Variants in CFAP61 observed in about 807,000 individuals in gnomAD.
CFAP61 encodes the protein cilia and flagella associated protein 61, also known as cilia- and flagella-associated protein 61.
A neutral mutation model predicts 135.6 loss-of-function variants in CFAP61; 107 were observed. That is an observed-to-expected ratio of 0.79 (90% CI 0.67 to 0.93). The LOEUF is 0.93. Ranked by LOEUF, CFAP61 falls within the 40% of genes least tolerant of loss-of-function variation. The probability of loss-of-function intolerance (pLI) is 0.00; values close to 1 mark genes in which losing one functional copy is unlikely to be tolerated. For missense variants in CFAP61, 1,507 were observed against 1,556.2 expected, an observed-to-expected ratio of 0.97 and a Z score of 0.53; for synonymous variants, 575 against 578.5, an observed-to-expected ratio of 0.99 and a Z score of 0.09.
intron 13 of CFAP61, among the ~76,000 whole-genome samples, chr20:20,173,399 G>A (rs1270312803): frequency 6.6e-6 from 1 of 152,208 alleles, no homozygotes; most frequent in Non-Finnish European, 1.5e-5. Context: ...CCCACCAGCA[G>A]TGAATGAGAG....
intron 11 of CFAP61, among the ~76,000 whole-genome samples, 156 bp downstream of exon 11, chr20:20,164,384 C>G (rs2053651079): frequency 6.6e-6 from 1 of 152,168 alleles, no homozygotes; most frequent in African/African-American, 2.4e-5. Flanking sequence ...AAGCCCCATC[C>G]AGAGATTCTA....
chr20:20,099,654 A>G (rs1220281756), intron 8 of CFAP61, among the ~76,000 whole-genome samples: 1 of 152,166 alleles, frequency 6.6e-6, no homozygotes, highest in African/African-American at 2.4e-5. Context: ...ATAAATGTTG[A>G]TCATCACCGT....
intron 8 of CFAP61, among the ~76,000 whole-genome samples, chr20:20,115,515 T>C (rs1174890382): frequency 6.6e-6 from 1 of 152,100 alleles, no homozygotes; most frequent in Non-Finnish European, 1.5e-5. Context: ...TATTGAGCTA[T>C]CAAACACTAG....
At chr20:20,235,110 G>C (rs564527861) in intron 18 of CFAP61, among the ~76,000 whole-genome samples, 5 of 152,086 alleles carry the variant, frequency 3.3e-5, no homozygotes, top group Non-Finnish European at 7.4e-5. Context: ...TGGGGGAGCC[G>C]GAGGTGCTTC....
chr20:20,161,216 G>A (rs547302075), intron 10 of CFAP61, among the ~76,000 whole-genome samples: 39 of 152,266 alleles, frequency 2.6e-4, no homozygotes, highest in Non-Finnish European at 5.0e-4. Flanking sequence ...TCCTAAGAGG[G>A]TAGCCGTTCC....
intron 2 of CFAP61, 45 bp from the exon 3 acceptor site, chr20:20,070,808 CT>C: frequency 6.3e-7 from 1 of 1,581,632 alleles, no homozygotes; most frequent in South Asian, 1.2e-5. Flanking sequence ...CCTCACCTCA[CT>C]TTTTGTAATC....
Position 20,169,448 on chromosome 20 carries a change from C to A in CFAP61, c.1373C>A (p.Ala458Asp). 5 of 1,613,086 alleles carry A rather than the reference C, an allele frequency of 3.1e-6. No individual in the cohort carries two copies. Among genetic ancestry groups the A allele is most frequent in the African/African-American group, 1.3e-5 (1 of 75,010 alleles). The change falls in exon 13 of 27, where the codon GCT becomes GAT. Residue 458 changes from alanine (A) to aspartate (D), a missense_variant. Physicochemically the swap from Ala to Asp is moderately radical, Grantham distance 126. Transcript: ENST00000245957. Reference sequence around the variant, plus strand: ...CAGGACCTCTACGTCTTCCACCGGGCTGGATTGCTCAAGTGAGTAGACACA... The same window carrying A: ...CAGGACCTCTACGTCTTCCACCGGGATGGATTGCTCAAGTGAGTAGACACA... ...LEQDLYVFHR[A>D]GLLKSINIRF... is the part of the protein sequence containing the mutation.
intron 8 of CFAP61, among the ~76,000 whole-genome samples, chr20:20,114,305 G>T (rs2048992084): frequency 6.6e-6 from 1 of 152,170 alleles, no homozygotes; most frequent in African/African-American, 2.4e-5. Flanking sequence ...ATCATTTTGG[G>T]GATCTTGAAT....
intron 19 of CFAP61, among the ~76,000 whole-genome samples, chr20:20,247,268 C>CT (rs2050528681): frequency 6.6e-6 from 1 of 152,210 alleles, no homozygotes; most frequent in South Asian, 2.1e-4. Flanking sequence ...TGGCAAATGT[C>CT]TTAAGAGGAA....
intron 13 of CFAP61, among the ~76,000 whole-genome samples, chr20:20,179,565 A>T (rs2054895052): frequency 6.6e-6 from 1 of 152,206 alleles, no homozygotes; most frequent in Admixed American, 6.5e-5. Context: ...AAAGAGCCAG[A>T]ATAGCCAAGG....
intron 8 of CFAP61, among the ~76,000 whole-genome samples, chr20:20,142,470 C>G (rs2051484450): frequency 6.6e-6 from 1 of 152,212 alleles, no homozygotes; most frequent in East Asian, 1.9e-4. Flanking sequence ...AAGCTGATAA[C>G]CCATTGTTTG....
At chr20:20,328,948 CCTT>C (rs1244929220) in intron 25 of CFAP61, among the ~76,000 whole-genome samples, 4 of 152,182 alleles carry the variant, frequency 2.6e-5, no homozygotes, top group Non-Finnish European at 5.9e-5. Context: ...CCTCTCAACT[CCTT>C]CTTATCAAGA....
At chr20:20,325,038 A>G (rs1370960229) in intron 25 of CFAP61, among the ~76,000 whole-genome samples, 1 of 152,198 alleles carries the variant, frequency 6.6e-6, no homozygotes, top group Non-Finnish European at 1.5e-5. Context: ...AAATGATCAG[A>G]AAGTACAGAG....
intron 18 of CFAP61, among the ~76,000 whole-genome samples, chr20:20,232,246 AACTCACTATAAAGTG>A (rs1394596144): frequency 2.0e-5 from 3 of 152,184 alleles, no homozygotes; most frequent in African/African-American, 7.2e-5. Flanking sequence ...CTGTAAAGTG[AACTCACTATAAAGTG>A]AACTCCCACC....
intron 25 of CFAP61, among the ~76,000 whole-genome samples, chr20:20,329,604 T>C (rs2057901878): frequency 6.6e-6 from 1 of 152,196 alleles, no homozygotes; most frequent in Admixed American, 6.5e-5. Flanking sequence ...CAGCACTCAC[T>C]TGTTTAAAGC....
intron 4 of CFAP61, among the ~76,000 whole-genome samples, 186 bp from the exon 5 acceptor site, chr20:20,075,003 A>G (rs1037438257): frequency 6.6e-6 from 1 of 152,206 alleles, no homozygotes. Flanking sequence ...TTAGAACCCA[A>G]GGAAAAGTAG....
At chr20:20,055,272 C>T (rs544632443) in intron 1 of CFAP61, among the ~76,000 whole-genome samples, 6 of 151,984 alleles carry the variant, frequency 3.9e-5, no homozygotes, top group Non-Finnish European at 8.8e-5. Context: ...TTGGTGACTC[C>T]CATAATACAC....
intron 21 of CFAP61, among the ~76,000 whole-genome samples, chr20:20,266,600 G>T (rs990579364): frequency 9.9e-5 from 15 of 152,200 alleles, no homozygotes; most frequent in African/African-American, 3.6e-4. Context: ...CAATTGAGAT[G>T]AAGACAAGAG....
chr20:20,128,175 G>T (rs957135861), intron 8 of CFAP61, among the ~76,000 whole-genome samples: 4 of 151,704 alleles, frequency 2.6e-5, no homozygotes, highest in Admixed American at 2.6e-4. Context: ...CTGGATTCAT[G>T]CCCTCTGCCC....
Sources: allele counts gnomAD v4.1 joint callset (sites outside exome capture counted in the v4.1 genomes callset), GRCh38; gene constraint gnomAD v4.1.1; transcripts MANE v1.5; gene names NCBI Gene and HGNC (gene_info 2026-07-23, HGNC 2026-07-21).